The following PRDM16 variants were observed in gnomAD, a reference collection of about 807,000 sequenced individuals.
PRDM16 encodes histone-lysine N-methyltransferase PRDM16.
Under a neutral mutation model 110.6 loss-of-function variants are expected in PRDM16, and 23 were observed. That is an observed-to-expected ratio of 0.21 (90% CI 0.15 to 0.29). The LOEUF is 0.29. Ranked by LOEUF, PRDM16 falls within the 10% of genes least tolerant of loss-of-function variation. The pLI, the probability that PRDM16 is intolerant of heterozygous loss-of-function variation, is 1.00. For synonymous variants in PRDM16, 799 were observed against 781.8 expected, an observed-to-expected ratio of 1.02 and a Z score of -0.37; for missense variants, 1,615 against 1,794.3, an observed-to-expected ratio of 0.90 and a Z score of 1.81.
Position 3,243,077 on chromosome 1 carries a change from G to C in PRDM16, c.388-1010G>C, listed in dbSNP as rs1242575512. ...GAAATGCTCTCCAGAGCCAAAGAAC[G>C]TTCCGGCTGGAGCGACCTGGGAGGA... On this transcript the variant is annotated intron_variant, in intron 2 of 16. Coordinates refer to ENST00000270722, the MANE Select transcript of PRDM16 (RefSeq NM_022114.4). The surrounding 1 kb of genome is among the most constrained non-coding windows in gnomAD (Gnocchi z 5.5). Among the ~76,000 whole-genome samples, 1 of 152,150 alleles carries C rather than the reference G, an allele frequency of 6.6e-6. No individual in the cohort carries two copies. Among genetic ancestry groups the C allele is most frequent in the Non-Finnish European group, 1.5e-5 (1 of 68,032 alleles).
chr1:3,152,348 T>C (rs928042669), intron 1 of PRDM16, among the ~76,000 whole-genome samples: 1 of 149,508 alleles, frequency 6.7e-6, no homozygotes, highest in African/African-American at 2.5e-5. Flanking sequence ...ATCTATGCAT[T>C]CATCCATCCA....
intron 3 of PRDM16, among the ~76,000 whole-genome samples, chr1:3,291,255 G>A (rs1054848412): frequency 8.5e-5 from 13 of 152,114 alleles, no homozygotes; most frequent in Non-Finnish European, 1.2e-4. Context: ...CAGTCAGGGC[G>A]TTCCCAGGAA....
chr1:3,162,022 A>G lies in PRDM16; in HGVS notation c.38-24103A>G, dbSNP rs144866420. Among the ~76,000 whole-genome samples, 1,057 of 152,258 alleles carry G rather than the reference A, an allele frequency of 6.9e-3. 13 individuals are homozygous for G. Among genetic ancestry groups the G allele is most frequent in the African/African-American group, 0.023 (973 of 41,570 alleles). On this transcript the variant is annotated intron_variant, in intron 1 of 16. Coordinates refer to ENST00000270722, the MANE Select transcript of PRDM16 (RefSeq NM_022114.4). ...CGGCCCCTCCACGTGGGGCCTCCAC[A>G]CCACCTCTCAGGGGCTGCCACCCCT...
At chr1:3,075,725 T>G (rs1342582425) in intron 1 of PRDM16, among the ~76,000 whole-genome samples, 1 of 152,272 alleles carries the variant, frequency 6.6e-6, no homozygotes, top group Admixed American at 6.5e-5. Context: ...GCGGTGCCGT[T>G]TCCGAACCTG....
intron 3 of PRDM16, among the ~76,000 whole-genome samples, chr1:3,340,471 C>G (rs1047000464): frequency 6.6e-6 from 1 of 152,198 alleles, no homozygotes; most frequent in African/African-American, 2.4e-5. Flanking sequence ...ATCAGTGCAT[C>G]TGGGGATGTC....
At chr1:3,428,387 G>A (rs114848090) in intron 14 of PRDM16, among the ~76,000 whole-genome samples, 172 of 152,162 alleles carry the variant, frequency 1.1e-3, no homozygotes, top group African/African-American at 4.0e-3. Flanking sequence ...CCTCCCCCTC[G>A]CCTATGGCAA....
At chr1:3,140,668 C>T (rs1452950611) in intron 1 of PRDM16, among the ~76,000 whole-genome samples, 1 of 152,226 alleles carries the variant, frequency 6.6e-6, no homozygotes, top group Admixed American at 6.5e-5. Context: ...GCGTCGCCAC[C>T]AGGCAGCTCC....
At chr1:3,284,073 C>T (rs147964860) in intron 3 of PRDM16, among the ~76,000 whole-genome samples, 2,721 of 152,282 alleles carry the variant, frequency 0.018, 82 homozygotes, top group African/African-American at 0.062. Flanking sequence ...GGGCCATCCT[C>T]CCATGGCCTG....
At chr1:3,075,643 G>A (rs528905789) in intron 1 of PRDM16, among the ~76,000 whole-genome samples, 2 of 152,374 alleles carry the variant, frequency 1.3e-5, no homozygotes, top group Admixed American at 1.3e-4. Flanking sequence ...AAACATGGCT[G>A]GGTCCTAGTG....
chr1:3,304,811 C>T (rs765329806), intron 3 of PRDM16, among the ~76,000 whole-genome samples: 1 of 152,292 alleles, frequency 6.6e-6, no homozygotes, highest in African/African-American at 2.4e-5. Context: ...GACACCGTGC[C>T]GCCCCTGTGG....
intron 4 of PRDM16, chr1:3,386,626 A>T (rs1643204641): frequency 6.6e-6 from 1 of 152,270 alleles, no homozygotes. Context: ...GCAAAAGAAT[A>T]ATCATAAACA....
intron 3 of PRDM16, among the ~76,000 whole-genome samples, chr1:3,314,413 C>G (rs1641548836): frequency 1.3e-5 from 2 of 152,214 alleles, no homozygotes; most frequent in African/African-American, 4.8e-5. Flanking sequence ...AATGAGGTAG[C>G]AAAGACAGTC....
intron 3 of PRDM16, among the ~76,000 whole-genome samples, chr1:3,249,426 G>A (rs561572390): frequency 1.4e-4 from 21 of 152,140 alleles, no homozygotes; most frequent in Admixed American, 7.8e-4. Context: ...CTGTGCCAGC[G>A]AGGTGAGTGA....
intron 1 of PRDM16, among the ~76,000 whole-genome samples, chr1:3,132,596 G>A (rs1015731522): frequency 7.2e-5 from 11 of 152,158 alleles, no homozygotes; most frequent in African/African-American, 2.4e-4. Context: ...CCTCCTTACC[G>A]AGGGGTCTCT....
At chr1:3,417,735 G>A in intron 10 of PRDM16, 93 bp from the exon 11 acceptor site, 1 of 1,093,642 alleles carries the variant, frequency 9.1e-7, no homozygotes, top group Non-Finnish European at 1.4e-6. Context: ...AGCACCCTAA[G>A]ATATGCTGTT....
At chr1:3,214,849 G>A (rs1227185155) in intron 2 of PRDM16, among the ~76,000 whole-genome samples, 1 of 152,156 alleles carries the variant, frequency 6.6e-6, no homozygotes, top group East Asian at 1.9e-4. Flanking sequence ...TGACCGTTGG[G>A]GAGCTGTGGC....
At chr1:3,345,941 A>T (rs1444043090) in intron 3 of PRDM16, among the ~76,000 whole-genome samples, 1 of 152,166 alleles carries the variant, frequency 6.6e-6, no homozygotes, top group Non-Finnish European at 1.5e-5. Context: ...AAGAGCCCCA[A>T]AGAGGCCACG....
At chr1:3,352,301 C>G (rs1642510643) in intron 3 of PRDM16, among the ~76,000 whole-genome samples, 1 of 152,184 alleles carries the variant, frequency 6.6e-6, no homozygotes, top group Non-Finnish European at 1.5e-5. Flanking sequence ...CAGCCGTGCC[C>G]ACCCCTCCCA....
intron 1 of PRDM16, among the ~76,000 whole-genome samples, chr1:3,130,590 G>A (rs1452213073): frequency 2.0e-5 from 3 of 152,194 alleles, no homozygotes; most frequent in Admixed American, 6.5e-5. Flanking sequence ...CTGGACTTCA[G>A]GGGAGGGCTG....
Sources: allele counts gnomAD v4.1 joint callset (sites outside exome capture counted in the v4.1 genomes callset), GRCh38; gene constraint gnomAD v4.1.1; non-coding constraint Gnocchi (gnomAD v3.1); transcripts MANE v1.5; gene names NCBI Gene and HGNC (gene_info 2026-07-23, HGNC 2026-07-21).